Variants in CCNH observed in about 807,000 individuals in gnomAD.
The protein encoded by CCNH is cyclin H, also known as cyclin-H.
Under a neutral mutation model 41.9 loss-of-function variants are expected in CCNH, and 31 were observed. That is an observed-to-expected ratio of 0.74 (90% CI 0.56 to 1.00). The LOEUF (loss-of-function observed/expected upper bound fraction) is 1.00, where lower values mean the gene tolerates loss of function less well. CCNH is among the 50% of genes least tolerant of loss of function. The pLI, the probability that CCNH is intolerant of heterozygous loss-of-function variation, is 0.00. For synonymous variants in CCNH, 138 were observed against 136.1 expected, an observed-to-expected ratio of 1.01 and a Z score of -0.10; for missense variants, 362 against 388.4, an observed-to-expected ratio of 0.93 and a Z score of 0.57.
intron 7 of CCNH, among the ~76,000 whole-genome samples, chr5:87,399,008 T>C (rs563809025): frequency 3.3e-5 from 5 of 151,790 alleles, no homozygotes; most frequent in African/African-American, 1.2e-4. Flanking sequence ...GCCAACTTTC[T>C]CTACTCTAGC....
Position 87,370,051 on chromosome 5 carries a change from T to C in CCNH, c.*90+22719A>G, listed in dbSNP as rs1760816658. On this transcript the variant is annotated intron_variant and NMD_transcript_variant, in intron 9 of 9. Transcript: ENST00000645953. ...ATTTTAAGGAATGAGATTTCATATG[T>C]AAAAAGTTTTCTGAAAGAAATGCAA... 2.0e-5 allele frequency: 15 copies of C among 758,726 alleles called. No homozygotes were observed. In the South Asian group the frequency reaches 2.5e-4, roughly 13 times the overall value. The allele number at this position is 758,726 out of a possible 1,614,324, so 47.0% of individuals were successfully genotyped here. A position where few individuals can be genotyped will look rare whatever the true frequency, so the allele number is the denominator to read the frequency against.
At chr5:87,328,126 T>C (rs1365283988) in intron 9 of CCNH, among the ~76,000 whole-genome samples, 1 of 152,216 alleles carries the variant, frequency 6.6e-6, no homozygotes, top group South Asian at 2.1e-4. Context: ...ATTGGACAAA[T>C]ACTTTTAAAA....
At chr5:87,392,286 G>A (rs1228822489), downstream of CCNH, 2 of 455,904 alleles carry the variant, frequency 4.4e-6, no homozygotes. Flanking sequence ...AATGCTAAGG[G>A]CTTAAAAGAT....
intron 9 of CCNH, among the ~76,000 whole-genome samples, chr5:87,364,380 T>A (rs1760347588): frequency 6.6e-6 from 1 of 152,146 alleles, no homozygotes; most frequent in Non-Finnish European, 1.5e-5. Context: ...ATCAAATAGG[T>A]TTGGGAAATG....
chr5:87,372,158 A>G (rs758628064), downstream of CCNH: 2 of 1,613,730 alleles, frequency 1.2e-6, no homozygotes, highest in Admixed American at 1.7e-5. Flanking sequence ...AATTTACGGA[A>G]AAGTAGTCCA....
intron 9 of CCNH, chr5:87,346,730 T>G (rs762755197): frequency 2.6e-6 from 4 of 1,531,804 alleles, no homozygotes; most frequent in African/African-American, 1.4e-5. Flanking sequence ...GACAGGTACT[T>G]ACATATTTAC....
At chr5:87,338,519 ATATATATATATATAAAATT>A (rs1758155916) in intron 9 of CCNH, among the ~76,000 whole-genome samples, 1 of 99,786 alleles carries the variant, frequency 1.0e-5, no homozygotes, top group Admixed American at 1.0e-4. Flanking sequence ...ATATATATAT[ATATATATATATATAAAATT>A]TTTTTTTTTT....
intron 9 of CCNH, among the ~76,000 whole-genome samples, chr5:87,348,811 T>C (rs1759050358): frequency 6.6e-6 from 1 of 151,936 alleles, no homozygotes; most frequent in African/African-American, 2.4e-5. Flanking sequence ...CACAGAGTAT[T>C]CTTAAGCAAA....
At chr5:87,329,704 C>G (rs569028860) in intron 9 of CCNH, among the ~76,000 whole-genome samples, 4 of 151,910 alleles carry the variant, frequency 2.6e-5, no homozygotes, top group Non-Finnish European at 5.9e-5. Context: ...TTAATTTTAT[C>G]TTTGTTGGGT....
chr5:87,338,766 CAT>C (rs1488492604), intron 9 of CCNH, among the ~76,000 whole-genome samples: 8 of 151,180 alleles, frequency 5.3e-5, no homozygotes, highest in Non-Finnish European at 1.0e-4. Context: ...ACTGGTTACA[CAT>C]GTTTGGTTTT....
the CCNH span, among the ~76,000 whole-genome samples, chr5:87,313,316 G>A: frequency 6.6e-6 from 1 of 152,142 alleles, no homozygotes; most frequent in Non-Finnish European, 1.5e-5. Context: ...TTCCTTGAAG[G>A]GAAGAGTGAT....
intron 9 of CCNH, among the ~76,000 whole-genome samples, chr5:87,323,234 AAG>A (rs1487216856): frequency 6.6e-6 from 1 of 152,210 alleles, no homozygotes; most frequent in Non-Finnish European, 1.5e-5. Context: ...TTTTTTAAAA[AAG>A]TTAAATAGGA....
At chr5:87,394,804 G>A in intron 8 of CCNH, 1 of 1,369,870 alleles carries the variant, frequency 7.3e-7, no homozygotes, top group Non-Finnish European at 9.4e-7. Context: ...AATGTAGTAT[G>A]TATACATATT....
At chr5:87,374,591 ACTAGGGTTT>A (rs1202267622), downstream of CCNH, among the ~76,000 whole-genome samples, 1 of 151,630 alleles carries the variant, frequency 6.6e-6, no homozygotes, top group Non-Finnish European at 1.5e-5. Context: ...CAAAACATTT[ACTAGGGTTT>A]CCAGTACTTA....
At position 87,412,899 on chromosome 5, in the gene CCNH, T is replaced by C. The variant is rs1764388039; in HGVS notation, c.-105A>G. On this transcript the variant is annotated 5_prime_UTR_variant, in exon 1 of 9. Transcript: ENST00000256897. ...CCCCACCGAAGATCTCGCGGAAGCC[T>C]AGGGCGTCCGGCTAGCCGGCGCTGG... 8 of 1,508,480 alleles carry C rather than the reference T, an allele frequency of 5.3e-6. No individual in the cohort carries two copies. Among genetic ancestry groups the C allele is most frequent in the Non-Finnish European group, 7.1e-6 (8 of 1,128,272 alleles). The allele number at this position is 1,508,480 out of a possible 1,614,324, so 93.4% of individuals were successfully genotyped here. A position where few individuals can be genotyped will look rare whatever the true frequency, so the allele number is the denominator to read the frequency against.
At chr5:87,346,938 C>CCCCT (rs1382088793) in intron 9 of CCNH, among the ~76,000 whole-genome samples, 1 of 151,942 alleles carries the variant, frequency 6.6e-6, no homozygotes, top group African/African-American at 2.4e-5. Context: ...TTACCCCAGG[C>CCCCT]CCCTGTCCAC....
intron 7 of CCNH, among the ~76,000 whole-genome samples, chr5:87,398,582 C>G (rs891439430): frequency 2.0e-5 from 3 of 152,084 alleles, no homozygotes; most frequent in Admixed American, 1.3e-4. Context: ...CACAAATTGC[C>G]AATTTTATGG....
At chr5:87,340,244 A>T (rs1758340408) in intron 9 of CCNH, among the ~76,000 whole-genome samples, 1 of 151,968 alleles carries the variant, frequency 6.6e-6, no homozygotes. Context: ...TTCACAGAGG[A>T]TTTATGCCTT....
chr5:87,312,411 G>C, the CCNH span, among the ~76,000 whole-genome samples: 1 of 152,252 alleles, frequency 6.6e-6, no homozygotes, highest in African/African-American at 2.4e-5. Flanking sequence ...TATGTTATCT[G>C]TATTAACAGT....
Sources: gnomAD v4.1 joint callset for allele counts (sites outside exome capture counted in the v4.1 genomes callset) on GRCh38, gnomAD v4.1.1 for gene constraint, MANE v1.5 for transcripts, NCBI Gene and HGNC (gene_info 2026-07-23, HGNC 2026-07-21) for gene names.